Variants in FAM13A observed in about 807,000 individuals in gnomAD.
FAM13A encodes the protein protein FAM13A.
A neutral mutation model predicts 129.6 loss-of-function variants in FAM13A; 76 were observed. The observed-to-expected ratio is 0.59, with a 90% CI of 0.49 to 0.71. The LOEUF is 0.71. Ranked by LOEUF, FAM13A falls within the 30% of genes least tolerant of loss-of-function variation. FAM13A has a pLI of 0.00. For missense variants in FAM13A, 1,108 were observed against 1,249.3 expected (o/e 0.89, Z 1.70); for synonymous variants, 443 against 449.9 (o/e 0.98, Z 0.20).
intron 8 of FAM13A, among the ~76,000 whole-genome samples, chr4:88,794,142 T>C (rs1029804855): frequency 6.6e-6 from 1 of 151,984 alleles, no homozygotes; most frequent in Non-Finnish European, 1.5e-5. Flanking sequence ...TTCTTACTTA[T>C]GCATTATAAA....
At chr4:88,768,163 A>T (rs1236872872) in intron 11 of FAM13A, 104 bp from the exon 12 acceptor site, 2 of 600,466 alleles carry the variant, frequency 3.3e-6, no homozygotes, top group African/African-American at 3.7e-5. Context: ...TGTATATATA[A>T]ACTAATTCTA....
intron 1 of FAM13A, among the ~76,000 whole-genome samples, chr4:89,035,899 T>G (rs1769327351): frequency 6.6e-6 from 1 of 152,168 alleles, no homozygotes; most frequent in Non-Finnish European, 1.5e-5. Flanking sequence ...TCTTTATAAA[T>G]TATCCAGTCT....
At chr4:89,005,967 G>C (rs1480601163) in intron 3 of FAM13A, among the ~76,000 whole-genome samples, 1 of 152,140 alleles carries the variant, frequency 6.6e-6, no homozygotes, top group Non-Finnish European at 1.5e-5. Context: ...TTTGGTCTTT[G>C]TCATGAAACC....
intron 14 of FAM13A, among the ~76,000 whole-genome samples, chr4:88,754,630 TG>T (rs1743267923): frequency 6.6e-6 from 1 of 152,214 alleles, no homozygotes; most frequent in South Asian, 2.1e-4. Flanking sequence ...GTAAGCCTCA[TG>T]GTGGAGGCTC....
At chr4:88,897,843 G>A (rs1012836028) in intron 6 of FAM13A, among the ~76,000 whole-genome samples, 1 of 152,088 alleles carries the variant, frequency 6.6e-6, no homozygotes, top group Admixed American at 6.6e-5. Context: ...ATCTCTTATA[G>A]TTCACAAGCT....
chr4:89,020,826 C>T (rs565146914), intron 2 of FAM13A, among the ~76,000 whole-genome samples, 157 bp from the exon 3 acceptor site: 77 of 152,218 alleles, frequency 5.1e-4, no homozygotes, highest in African/African-American at 1.8e-3. Context: ...TAAAACTTTC[C>T]TTAGAATAAT....
chr4:88,832,603 T>G (rs1734073807), intron 7 of FAM13A, among the ~76,000 whole-genome samples: 4 of 152,020 alleles, frequency 2.6e-5, no homozygotes. Context: ...AAAGAAGATG[T>G]TTATGTGGCC....
At chr4:89,034,601 G>C (rs1180219165) in intron 1 of FAM13A, among the ~76,000 whole-genome samples, 1 of 152,174 alleles carries the variant, frequency 6.6e-6, no homozygotes, top group Admixed American at 6.5e-5. Flanking sequence ...AAATAAATCA[G>C]CTGGGCACGG....
Position 88,851,127 on chromosome 4 carries a change from C to T in FAM13A, c.900G>A (p.Glu300=), listed in dbSNP as rs1448699167. 2 of 1,613,252 alleles carry T rather than the reference C, an allele frequency of 1.2e-6. No homozygotes were observed. Among genetic ancestry groups the T allele is most frequent in the Non-Finnish European group, 1.7e-6 (2 of 1,179,866 alleles). ...TGAGCTGAGGAATGCCATCAGATAG[C>T]TCTGGTTGCAGTACTCTGTGGGCCT... The part of the protein sequence containing the change: ...SIQAHRVLQP[E]LSDGIPQLSL... Residue 300 remains glutamate, a synonymous_variant, in exon 7 of 24, where the codon GAG becomes GAA. Coordinates refer to ENST00000264344, the MANE Select transcript of FAM13A (RefSeq NM_014883.4).
chr4:89,013,991 A>G (rs924618816), intron 3 of FAM13A, among the ~76,000 whole-genome samples: 3 of 152,116 alleles, frequency 2.0e-5, no homozygotes, highest in Admixed American at 1.3e-4. Context: ...CATGGGGGTA[A>G]GTACACCCTG....
intron 1 of FAM13A, among the ~76,000 whole-genome samples, chr4:89,040,628 G>T (rs1708684): frequency 0.59 from 89,084 of 152,038 alleles, 26,676 homozygotes; most frequent in Middle Eastern, 0.68. Flanking sequence ...GCCATTGACT[G>T]GTATAGTCTC....
intron 6 of FAM13A, among the ~76,000 whole-genome samples, chr4:88,864,407 C>CTTAT (rs747014088): frequency 3.3e-5 from 5 of 151,996 alleles, no homozygotes; most frequent in Admixed American, 2.6e-4. Context: ...TGTTTGTGAT[C>CTTAT]TTATTTATTT....
intron 10 of FAM13A, among the ~76,000 whole-genome samples, chr4:88,786,354 A>G (rs1181195321): frequency 6.6e-6 from 1 of 152,182 alleles, no homozygotes; most frequent in African/African-American, 2.4e-5. Flanking sequence ...GTTGCTACAT[A>G]CTCCTCAGCA....
chr4:88,783,678 C>A (rs1158229394), intron 10 of FAM13A, among the ~76,000 whole-genome samples: 1 of 152,048 alleles, frequency 6.6e-6, no homozygotes, highest in Non-Finnish European at 1.5e-5. Context: ...AAGTCCTAAC[C>A]CCCAATGTGA....
intron 7 of FAM13A, among the ~76,000 whole-genome samples, chr4:88,829,333 G>A (rs1426066317): frequency 6.6e-6 from 1 of 152,156 alleles, no homozygotes; most frequent in Non-Finnish European, 1.5e-5. Context: ...CAGCTTCTTG[G>A]GAGGCTGAGG....
intron 5 of FAM13A, among the ~76,000 whole-genome samples, chr4:88,922,844 G>T (rs934107112): frequency 1.3e-5 from 2 of 151,896 alleles, no homozygotes; most frequent in Non-Finnish European, 2.9e-5. Context: ...TCAAATAGAC[G>T]CAATAAAAAA....
At chr4:88,830,453 C>G (rs995166209) in intron 7 of FAM13A, among the ~76,000 whole-genome samples, 4 of 152,114 alleles carry the variant, frequency 2.6e-5, no homozygotes, top group Non-Finnish European at 4.4e-5. Context: ...AATAAATATG[C>G]TTGCATTACT....
chr4:88,778,235 C>T (rs530705701), intron 11 of FAM13A, among the ~76,000 whole-genome samples: 28 of 152,166 alleles, frequency 1.8e-4, no homozygotes, highest in Non-Finnish European at 4.0e-4. Flanking sequence ...ATGGGCAGCT[C>T]AGTCTTTCCA....
intron 7 of FAM13A, among the ~76,000 whole-genome samples, chr4:88,809,765 G>T (rs1729281242): frequency 6.6e-6 from 1 of 151,570 alleles, no homozygotes; most frequent in Non-Finnish European, 1.5e-5. Context: ...CGTTAACCAT[G>T]CCCCTTGCCA....
Sources: allele counts gnomAD v4.1 joint callset (sites outside exome capture counted in the v4.1 genomes callset), GRCh38; gene constraint gnomAD v4.1.1; transcripts MANE v1.5; gene names NCBI Gene and HGNC (gene_info 2026-07-23, HGNC 2026-07-21).